DST: variants seen among roughly 807,000 people sequenced by gnomAD.
DST encodes bullous pemphigoid antigen.
DST carries 253 observed loss-of-function variants against 875.2 expected under a neutral mutation model. The observed-to-expected ratio is 0.29, with a 90% CI of 0.26 to 0.32. The LOEUF is 0.32. Ranked by LOEUF, DST falls within the 10% of genes least tolerant of loss-of-function variation. The pLI, the probability that DST is intolerant of heterozygous loss-of-function variation, is 1.00. For synonymous variants in DST, 3,124 were observed against 3,197.1 expected, an observed-to-expected ratio of 0.98 and a Z score of 0.77; for missense variants, 8,287 against 9,111.6, an observed-to-expected ratio of 0.91 and a Z score of 3.68.
chr6:56,681,629 T>C (rs1375141234), intron 9 of DST, among the ~76,000 whole-genome samples: 1 of 152,204 alleles, frequency 6.6e-6, no homozygotes, highest in Non-Finnish European at 1.5e-5. Flanking sequence ...TTGTTAGATC[T>C]TCTAGCCCTC....
intron 4 of DST, among the ~76,000 whole-genome samples, chr6:56,834,236 A>T (rs577698362): frequency 1.3e-5 from 2 of 152,282 alleles, no homozygotes; most frequent in East Asian, 3.9e-4. Flanking sequence ...AAAATAAAAA[A>T]TGCTTAAAAA....
At chr6:56,839,720 C>T (rs1356350646) in intron 4 of DST, among the ~76,000 whole-genome samples, 2 of 152,062 alleles carry the variant, frequency 1.3e-5, no homozygotes, top group African/African-American at 4.8e-5. Context: ...GGCAATAAAC[C>T]CGAACTGAAA....
Position 56,752,791 on chromosome 6 carries a change from G to GT in DST, c.626-17503dup, listed in dbSNP as rs952682228. The stretch of plus-strand genomic sequence containing the variant: ...ACTATAAACAAGATTGAGTTTTTTT[G>GT]TTTTTTTTGTTTTTTTTGAGACGGA... On this transcript the variant is annotated intron_variant, in intron 4 of 103. Transcript: ENST00000680361. Among the ~76,000 whole-genome samples the GT allele has an allele frequency of 8.2e-4, 124 of 151,534 alleles. 1 individual carries two copies. The highest frequency in any genetic ancestry group is 2.3e-3 in the African/African-American group (94 of 41,358).
intron 9 of DST, among the ~76,000 whole-genome samples, chr6:56,678,265 G>A (rs1241912530): frequency 6.6e-6 from 1 of 152,122 alleles, no homozygotes; most frequent in African/African-American, 2.4e-5. Context: ...CCTACATCCT[G>A]GATCTCATCA....
chr6:56,531,490 T>A (rs2096894794), intron 64 of DST, among the ~76,000 whole-genome samples: 1 of 152,214 alleles, frequency 6.6e-6, no homozygotes, highest in Non-Finnish European at 1.5e-5. Context: ...ATTTTTCACC[T>A]CTTTGGGAGC....
At chr6:56,721,594 C>A (rs1312572411) in intron 5 of DST, among the ~76,000 whole-genome samples, 1 of 152,168 alleles carries the variant, frequency 6.6e-6, no homozygotes, top group African/African-American at 2.4e-5. Flanking sequence ...TGACTTCCGG[C>A]AACAGAGAAT....
chr6:56,837,190 C>G (rs965657397), intron 4 of DST, among the ~76,000 whole-genome samples: 1 of 152,092 alleles, frequency 6.6e-6, no homozygotes, highest in Non-Finnish European at 1.5e-5. Flanking sequence ...CATTTAACTA[C>G]CAAGAAAGGT....
At chr6:56,877,792 T>C (rs1780200683) in intron 3 of DST, among the ~76,000 whole-genome samples, 5 of 152,200 alleles carry the variant, frequency 3.3e-5, no homozygotes, top group Admixed American at 3.3e-4. Flanking sequence ...AATATGCCCA[T>C]GGACAAATAC....
intron 69 of DST, among the ~76,000 whole-genome samples, chr6:56,519,339 A>G (rs1446974414): frequency 6.6e-6 from 1 of 152,150 alleles, no homozygotes; most frequent in Non-Finnish European, 1.5e-5. Flanking sequence ...ACTCACACTC[A>G]TGCCAAGAAA....
intron 3 of DST, among the ~76,000 whole-genome samples, chr6:56,876,838 C>A (rs1779840125): frequency 6.6e-6 from 1 of 152,142 alleles, no homozygotes; most frequent in Non-Finnish European, 1.5e-5. Flanking sequence ...CAGGAAAGGC[C>A]CCCTTTCATC....
chr6:56,489,574 T>C lies in DST; in HGVS notation c.20793A>G (p.Leu6931=), dbSNP rs1178391432. 5.0e-6 allele frequency: 8 copies of C among 1,613,004 alleles called. No homozygotes were observed. The highest frequency in any genetic ancestry group is 5.1e-6 in the Non-Finnish European group (6 of 1,179,438). Residue 6931 remains leucine, a synonymous_variant, in exon 86 of 104, where the codon CTA becomes CTG. Transcript: ENST00000680361. ...HEAWSKLMEW[L]EESEKSLDSE... ...AATCCAAAGACTTTTCTGACTCTTC[T>C]AGCCACTCCATAAGTTTACTCCAAG... is the stretch of plus-strand genomic sequence containing the variant.
At chr6:56,623,262 GATAC>G (rs1282522994) in intron 36 of DST, among the ~76,000 whole-genome samples, 5 of 152,046 alleles carry the variant, frequency 3.3e-5, no homozygotes, top group African/African-American at 1.2e-4. Flanking sequence ...TGTATAATCA[GATAC>G]ATACTATGAG....
At position 56,568,559 on chromosome 6, in the gene DST, T is replaced by C; in HGVS notation, c.13915A>G (p.Ile4639Val). The change falls in exon 55 of 104, where the codon ATT (isoleucine) becomes GTT (valine). Residue 4639 changes from isoleucine to valine, a missense_variant. Ile to Val is a conservative substitution (Grantham distance 29). Around this residue, in one of 10 missense-constraint regions of DST, gnomAD observed 1,513 missense variants for 1,677.8 expected, o/e 0.90. Coordinates refer to ENST00000680361, the MANE Select transcript of DST (RefSeq NM_001374736.1). ...ATCCCACTGTTGTTTACTTTCTGAA[T>C]CTCTGGTGTTTTTAAACTCCACTTT... is the stretch of plus-strand genomic sequence containing the variant. ...QEKWSLKTPE[I>V]QKVNNSGISL... 1 of 1,611,766 alleles carries C rather than the reference T, an allele frequency of 6.2e-7. No individual in the cohort carries two copies. The highest frequency in any genetic ancestry group is 8.5e-7 in the Non-Finnish European group (1 of 1,178,942).
intron 50 of DST, among the ~76,000 whole-genome samples, chr6:56,575,148 AG>A (rs2097845794): frequency 6.6e-6 from 1 of 152,140 alleles, no homozygotes; most frequent in Non-Finnish European, 1.5e-5. Flanking sequence ...CCATCGGCAG[AG>A]GAAACAAGCA....
At position 56,639,453 on chromosome 6, in the gene DST, A is replaced by T. The variant is rs759732250; in HGVS notation, c.2856T>A (p.His952Gln). The change falls in exon 21 of 104, where the codon CAT becomes CAA. Residue 952 changes from histidine (H) to glutamine (Q), a missense_variant. By Grantham distance (24) the His-to-Gln change is conservative. Transcript: ENST00000680361. ...NTNIARKKDY[H>Q]AELMRELDQK... ...CAAGTACAAAGGGTGTACTTACAGC[A>T]TGATAATCTTTTTTCCTAGCTATGT... 6.2e-7 allele frequency: 1 copy of T among 1,613,810 alleles called. No individual in the cohort carries two copies. The highest frequency in any genetic ancestry group is 1.1e-5 in the South Asian group (1 of 91,078).
At chr6:56,558,572 C>T (rs2097470419) in intron 58 of DST, among the ~76,000 whole-genome samples, 1 of 152,010 alleles carries the variant, frequency 6.6e-6, no homozygotes, top group African/African-American at 2.4e-5. Flanking sequence ...AACTAGTATC[C>T]CTGCTATTAA....
chr6:56,529,859 C>A, intron 65 of DST, 85 bp from the exon 66 acceptor site: 2 of 1,452,638 alleles, frequency 1.4e-6, no homozygotes, highest in Non-Finnish European at 1.8e-6. Flanking sequence ...TAAAGCATGA[C>A]ATGTTAAATG....
In DST at chr6:56,882,121, A is replaced by G. The variant is rs1345925890; in HGVS notation, c.417+18300T>C. ...AAATGCAGAAGGAGAAAAGGCTCAA[A>G]GCAATATGTCAGAACTGATTATCAT... On this transcript the variant is annotated intron_variant, in intron 3 of 103. Transcript: ENST00000680361. Among the ~76,000 whole-genome samples the G allele has an allele frequency of 3.3e-5, 5 of 152,238 alleles. No homozygotes were observed. The East Asian group carries it at 9.6e-4, about 29-fold the overall frequency.
At chr6:56,881,532 A>T (rs1562276062) in intron 3 of DST, among the ~76,000 whole-genome samples, 1 of 152,122 alleles carries the variant, frequency 6.6e-6, no homozygotes, top group Admixed American at 6.6e-5. Flanking sequence ...AAAACAAGTA[A>T]CTGATAAAAG....
Sources: gnomAD v4.1 joint callset for allele counts (sites outside exome capture counted in the v4.1 genomes callset) on GRCh38, gnomAD v4.1.1 for gene constraint, gnomAD v4.1.1 regional missense constraint, MANE v1.5 for transcripts, NCBI Gene and HGNC (gene_info 2026-07-23, HGNC 2026-07-21) for gene names.